L3MBTL4: variants seen among roughly 807,000 people sequenced by gnomAD.
The protein encoded by L3MBTL4 is L3MBTL histone methyl-lysine binding protein 4, also known as lethal(3)malignant brain tumor-like protein 4.
Under a neutral mutation model 84.5 loss-of-function variants are expected in L3MBTL4, and 70 were observed. The ratio of observed to expected loss-of-function variants is 0.83; its 90% CI spans 0.68 to 1.01. The LOEUF (loss-of-function observed/expected upper bound fraction) is 1.01. L3MBTL4 is among the 50% of genes least tolerant of loss of function. L3MBTL4 has a pLI of 0.00. For missense variants in L3MBTL4, 715 were observed against 754.8 expected (o/e 0.95, Z 0.62); for synonymous variants, 274 against 259.8 (o/e 1.05, Z -0.52).
intron 14 of L3MBTL4, among the ~76,000 whole-genome samples, chr18:6,102,194 C>G (rs1002836154): frequency 5.9e-5 from 9 of 152,168 alleles, no homozygotes; most frequent in Admixed American, 5.2e-4. Flanking sequence ...AGCTCAGCAG[C>G]ACATCAGTGT....
intron 12 of L3MBTL4, among the ~76,000 whole-genome samples, chr18:6,174,005 C>A (rs1267515244): frequency 2.0e-5 from 3 of 151,938 alleles, no homozygotes; most frequent in Non-Finnish European, 4.4e-5. Context: ...TGAGACACCA[C>A]AAAGTTCACA....
In L3MBTL4 at chr18:6,213,180, G is replaced by T; in HGVS notation, c.950C>A (p.Thr317Lys). Residue 317 changes from threonine to lysine, a missense_variant, in exon 12 of 19, where the codon ACG becomes AAG. Coordinates refer to ENST00000317931, the MANE Select transcript of L3MBTL4 (RefSeq NM_001330559.2). ...TCTTTGGTCATCAACATCTACAATC[G>T]TAGCAACACGAATTAACCTGGGGTT... ...KRNPRLIRVA[T>K]IVDVDDQRVK... is the part of the protein sequence containing the mutation. 1 of 1,605,612 alleles carries T rather than the reference G, an allele frequency of 6.2e-7. No homozygotes were observed. Among genetic ancestry groups the T allele is most frequent in the South Asian group, 1.1e-5 (1 of 88,776 alleles).
At chr18:6,353,456 A>C (rs2053294004) in intron 1 of L3MBTL4, among the ~76,000 whole-genome samples, 1 of 152,180 alleles carries the variant, frequency 6.6e-6, no homozygotes, top group Non-Finnish European at 1.5e-5. Flanking sequence ...TGTTTTTAAA[A>C]TGAATTCTGT....
intron 5 of L3MBTL4, chr18:6,256,801 C>T (rs1013519598): frequency 6.6e-6 from 1 of 152,178 alleles, no homozygotes; most frequent in South Asian, 2.1e-4. Flanking sequence ...AAGTGCAGAT[C>T]GGGAGACTAA....
chr18:6,325,550 G>A (rs400243), intron 1 of L3MBTL4, among the ~76,000 whole-genome samples: 8,940 of 151,916 alleles, frequency 0.059, 307 homozygotes, highest in Non-Finnish European at 0.068. Context: ...AGATATATAC[G>A]GCAAACTATA....
intron 14 of L3MBTL4, among the ~76,000 whole-genome samples, chr18:6,102,571 C>A (rs2058867551): frequency 6.6e-6 from 1 of 152,206 alleles, no homozygotes; most frequent in Admixed American, 6.5e-5. Context: ...GAACTATCCC[C>A]ATCCTGGAGC....
At chr18:6,308,451 C>A (rs1474854341) in intron 3 of L3MBTL4, among the ~76,000 whole-genome samples, 2 of 152,092 alleles carry the variant, frequency 1.3e-5, no homozygotes, top group Non-Finnish European at 2.9e-5. Flanking sequence ...TATGAATGAA[C>A]TGCAAAAGTA....
chr18:6,114,612 T>C (rs1423379511), intron 14 of L3MBTL4, among the ~76,000 whole-genome samples: 1 of 152,236 alleles, frequency 6.6e-6, no homozygotes, highest in Non-Finnish European at 1.5e-5. Flanking sequence ...GTCAAGAATA[T>C]CAATGAAGCA....
At chr18:6,254,196 T>C (rs1402018075) in intron 5 of L3MBTL4, among the ~76,000 whole-genome samples, 3 of 152,090 alleles carry the variant, frequency 2.0e-5, no homozygotes, top group Non-Finnish European at 4.4e-5. Context: ...TAGCTTTCAT[T>C]AGATATTCAA....
At chr18:6,052,398 A>G (rs942105993) in intron 16 of L3MBTL4, among the ~76,000 whole-genome samples, 5 of 152,256 alleles carry the variant, frequency 3.3e-5, no homozygotes, top group Non-Finnish European at 7.3e-5. Context: ...TCAGTATCAA[A>G]TTAATTACAC....
At chr18:6,374,012 T>C (rs192838508) in intron 1 of L3MBTL4, among the ~76,000 whole-genome samples, 29 of 152,302 alleles carry the variant, frequency 1.9e-4, no homozygotes, top group African/African-American at 7.0e-4. Flanking sequence ...ATTGTTGTAA[T>C]TTTTCATCTT....
intron 16 of L3MBTL4, among the ~76,000 whole-genome samples, chr18:6,078,976 G>A (rs992466540): frequency 1.9e-4 from 29 of 152,202 alleles, no homozygotes; most frequent in African/African-American, 6.0e-4. Flanking sequence ...AATACTGTTC[G>A]TGCTCCTATG....
chr18:6,180,766 G>A (rs142318398), intron 12 of L3MBTL4, among the ~76,000 whole-genome samples: 78 of 152,244 alleles, frequency 5.1e-4, no homozygotes, highest in African/African-American at 1.8e-3. Flanking sequence ...CAAGAATGAA[G>A]GTCAAAATCT....
At chr18:6,185,994 ATTATTTTATATT>A (rs2044735084) in intron 12 of L3MBTL4, among the ~76,000 whole-genome samples, 3 of 146,078 alleles carry the variant, frequency 2.1e-5, no homozygotes, top group African/African-American at 8.0e-5. Flanking sequence ...ATTTTATTTT[ATTATTTTATATT>A]TTATTTTATT....
At chr18:6,228,600 C>A (rs2046871743) in intron 10 of L3MBTL4, among the ~76,000 whole-genome samples, 2 of 152,000 alleles carry the variant, frequency 1.3e-5, no homozygotes, top group Non-Finnish European at 2.9e-5. Context: ...ATATTTAACT[C>A]AAGGAGAGCA....
At chr18:5,991,067 C>T (rs766263823) in intron 16 of L3MBTL4, among the ~76,000 whole-genome samples, 8 of 152,124 alleles carry the variant, frequency 5.3e-5, no homozygotes, top group Non-Finnish European at 1.0e-4. Context: ...CTGGTAGCCT[C>T]TGTTGTTCTT....
chr18:6,062,732 C>T (rs2057268900), intron 16 of L3MBTL4, among the ~76,000 whole-genome samples: 1 of 151,874 alleles, frequency 6.6e-6, no homozygotes, highest in African/African-American at 2.4e-5. Flanking sequence ...AGCTTAAAGC[C>T]CACTGATGCT....
intron 1 of L3MBTL4, among the ~76,000 whole-genome samples, chr18:6,389,713 T>C (rs1446782560): frequency 6.6e-6 from 1 of 152,100 alleles, no homozygotes; most frequent in African/African-American, 2.4e-5. Flanking sequence ...AAGAGGGACA[T>C]TATATAATGA....
At chr18:6,376,162 A>G (rs987415096) in intron 1 of L3MBTL4, among the ~76,000 whole-genome samples, 1 of 152,124 alleles carries the variant, frequency 6.6e-6, no homozygotes, top group African/African-American at 2.4e-5. Context: ...CACTGTCCCC[A>G]GAGGTGCCCA....
Sources: gnomAD v4.1 joint callset for allele counts (sites outside exome capture counted in the v4.1 genomes callset) on GRCh38, gnomAD v4.1.1 for gene constraint, MANE v1.5 for transcripts, NCBI Gene and HGNC (gene_info 2026-07-23, HGNC 2026-07-21) for gene names.